TNIP2: variants seen among roughly 807,000 people sequenced by gnomAD.
TNIP2 encodes TNFAIP3 interacting protein 2.
Under a neutral mutation model 43.7 loss-of-function variants are expected in TNIP2, and 30 were observed. The ratio of observed to expected loss-of-function variants is 0.69; its 90% CI spans 0.51 to 0.93. The LOEUF (loss-of-function observed/expected upper bound fraction) is 0.93, where lower values mean the gene tolerates loss of function less well. Among genes scored for constraint, TNIP2 ranks in the 40% least tolerant of loss-of-function variants. TNIP2 has a pLI of 0.00. For synonymous variants in TNIP2, 260 were observed against 254.6 expected, an observed-to-expected ratio of 1.02 and a Z score of -0.20; for missense variants, 599 against 591.0, an observed-to-expected ratio of 1.01 and a Z score of -0.14.
At chr4:2,746,318 C>G (rs530642883) in intron 2 of TNIP2, among the ~76,000 whole-genome samples, 7 of 152,354 alleles carry the variant, frequency 4.6e-5, no homozygotes. Context: ...CCGGGTGACT[C>G]AGCTGAGTTC....
intron 1 of TNIP2, among the ~76,000 whole-genome samples, chr4:2,752,624 ACT>A (rs1224499738): frequency 6.6e-6 from 1 of 151,980 alleles, no homozygotes; most frequent in Non-Finnish European, 1.5e-5. Context: ...TGTGTCTTTA[ACT>A]CTGCACTGCC....
chr4:2,754,857 C>T (rs915453745), intron 1 of TNIP2, among the ~76,000 whole-genome samples: 2 of 152,234 alleles, frequency 1.3e-5, no homozygotes, highest in African/African-American at 4.8e-5. Flanking sequence ...TCCCTAGTGG[C>T]TGGGAGCACG....
chr4:2,744,692 G>C lies in TNIP2; in HGVS notation c.906+5C>G, dbSNP rs763153934. The C allele has an allele frequency of 6.3e-7, 1 of 1,599,918 alleles. No homozygotes were observed. Among genetic ancestry groups the C allele is most frequent in the Non-Finnish European group, 8.5e-7 (1 of 1,178,014 alleles). On this transcript the variant is annotated splice_donor_5th_base_variant and intron_variant, in intron 4 of 5. Transcript: ENST00000315423. This position sits in a 1 kb window ranked among gnomAD's most constrained non-coding sequence, Gnocchi z 5.1. ...AGTGCCGTCCGGAGCCCGAGGGACA[G>C]ACACCTGCTGTTCCAGCATCTGCAC...
chr4:2,751,527 T>G (rs150946251), intron 1 of TNIP2, among the ~76,000 whole-genome samples: 1 of 152,122 alleles, frequency 6.6e-6, no homozygotes, highest in Non-Finnish European at 1.5e-5. Context: ...TCCCAGCACT[T>G]TGGGAGGCCG....
chr4:2,750,709 T>C (rs1469091444), intron 1 of TNIP2, among the ~76,000 whole-genome samples: 8 of 150,844 alleles, frequency 5.3e-5, no homozygotes, highest in Admixed American at 4.6e-4. Context: ...AGACAGGGTG[T>C]GGCTATGTTG....
rs1224404735 is a variant in TNIP2 at position 2,747,844 on chromosome 4, T to C, written c.378A>G (p.Leu126=). 4 of 1,613,674 alleles carry C rather than the reference T, an allele frequency of 2.5e-6. No individual in the cohort carries two copies. In the African/African-American group the frequency reaches 5.3e-5, roughly 22 times the overall value. The change falls in exon 2 of 6, where the codon CTA becomes CTG. Residue 126 remains leucine, a synonymous_variant. Coordinates refer to ENST00000315423, the MANE Select transcript of TNIP2 (RefSeq NM_024309.4). ...GCTCCCCTTCTGCCATGCTCCTCCG[T>C]AGCAGGACGACTTCCTTCTCTCGCT... is the stretch of plus-strand genomic sequence containing the variant. ...QHEREKEVVL[L]RRSMAEGERA... is the part of the protein sequence containing the mutation.
In TNIP2 at chr4:2,742,138, C is replaced by G; in HGVS notation, c.*119G>C. On this transcript the variant is annotated 3_prime_UTR_variant, in exon 6 of 6. Coordinates refer to ENST00000315423, the MANE Select transcript of TNIP2 (RefSeq NM_024309.4). ...AGTGAACGATCAGAGTGCCCCGCAA[C>G]TATTCTAGGGGCCTTGGCTCTCAGT... 9.6e-7 allele frequency: 1 copy of G among 1,043,660 alleles called. No homozygotes were observed. Among genetic ancestry groups the G allele is most frequent in the Non-Finnish European group, 1.3e-6 (1 of 788,244 alleles). The allele number at this position is 1,043,660 out of a possible 1,614,324, so 64.6% of individuals were successfully genotyped here.
Position 2,744,197 on chromosome 4 carries a change from A to G in TNIP2, c.1026+190T>C, listed in dbSNP as rs528790132. Among the ~76,000 whole-genome samples the G allele has an allele frequency of 1.1e-4, 17 of 152,266 alleles. No homozygotes were observed. The South Asian group carries it at 1.7e-3, about 15-fold the overall frequency. ...GCCTCCTCCATAACTAAACAGTATA[A>G]CAGGGAGGCTTTCCATGACCACGCC... On this transcript the variant is annotated intron_variant, in intron 5 of 5. Transcript: ENST00000315423. The surrounding 1 kb of genome is among the most constrained non-coding windows in gnomAD (Gnocchi z 5.1).
intron 5 of TNIP2, among the ~76,000 whole-genome samples, 183 bp from the exon 6 acceptor site, chr4:2,742,703 C>T (rs1366737642): frequency 1.3e-5 from 2 of 152,172 alleles, no homozygotes; most frequent in African/African-American, 4.8e-5. Context: ...GAGGATCACA[C>T]ACACGCTCCG....
Position 2,742,449 on chromosome 4 carries a change from T to C in TNIP2, c.1098A>G (p.Ala366=), listed in dbSNP as rs963024742. 6.2e-7 allele frequency: 1 copy of C among 1,611,646 alleles called. No individual in the cohort carries two copies. Among genetic ancestry groups the C allele is most frequent in the Non-Finnish European group, 8.5e-7 (1 of 1,178,636 alleles). ...AGCCACCAGGCACCATAAGCTCTAA[T>C]GCGTCGGCGGCCAAATACTTGGCAG... The part of the protein sequence containing the change: ...SKTAKYLAAD[A]LELMVPGGWR... The change falls in exon 6 of 6, where the codon GCA becomes GCG. Residue 366 remains alanine (A), a synonymous_variant. Coordinates refer to ENST00000315423, the MANE Select transcript of TNIP2 (RefSeq NM_024309.4).
At chr4:2,750,170 C>A (rs1722064213) in intron 1 of TNIP2, among the ~76,000 whole-genome samples, 1 of 152,092 alleles carries the variant, frequency 6.6e-6, no homozygotes, top group Non-Finnish European at 1.5e-5. Flanking sequence ...CCAAAATAAA[C>A]AGTACATTAC....
At position 2,744,413 on chromosome 4, in the gene TNIP2, A is replaced by C; in HGVS notation, c.1000T>G (p.Leu334Val). The change falls in exon 5 of 6, where the codon TTG becomes GTG. Residue 334 changes from leucine (L) to valine (V), a missense_variant. Coordinates refer to ENST00000315423, the MANE Select transcript of TNIP2 (RefSeq NM_024309.4). The surrounding 1 kb of genome is among the most constrained non-coding windows in gnomAD (Gnocchi z 5.1). ...IQELEEKVAS[L>V]LHQVSWRQDS... The stretch of plus-strand genomic sequence containing the variant: ...TGTCTCCAGGACACCTGGTGCAGCA[A>C]AGAGGCGACCTTTTCCTCCAGTTCT... 6.2e-7 allele frequency: 1 copy of C among 1,614,230 alleles called. No homozygotes were observed. The highest frequency in any genetic ancestry group is 8.5e-7 in the Non-Finnish European group (1 of 1,180,028).
intron 1 of TNIP2, among the ~76,000 whole-genome samples, chr4:2,748,677 A>G (rs1189134209): frequency 7.4e-6 from 1 of 134,318 alleles, no homozygotes; most frequent in Non-Finnish European, 1.6e-5. Flanking sequence ...TATTTTTAGT[A>G]GAGACGGGGT....
chr4:2,755,296 A>G (rs1310273826), intron 1 of TNIP2, among the ~76,000 whole-genome samples: 3 of 151,698 alleles, frequency 2.0e-5, no homozygotes, highest in Non-Finnish European at 2.9e-5. Flanking sequence ...CACAGAATAC[A>G]CACAGCATAC....
In TNIP2 at chr4:2,747,649, G is replaced by A; in HGVS notation, c.567+6C>T. On this transcript the variant is annotated splice_donor_region_variant and intron_variant, in intron 2 of 5. Coordinates refer to ENST00000315423, the MANE Select transcript of TNIP2 (RefSeq NM_024309.4). ...TTCCCCACACTCTGCTTACACTGTG[G>A]CCTACCTGGTCAGGACTTCTCTCCC... The A allele has an allele frequency of 1.3e-6, 2 of 1,593,126 alleles. No homozygotes were observed. The highest frequency in any genetic ancestry group is 1.7e-6 in the Non-Finnish European group (2 of 1,175,690).
In TNIP2 at chr4:2,742,427, C is replaced by T. The variant is rs142737780; in HGVS notation, c.1120G>A (p.Gly374Ser). 9 of 1,612,936 alleles carry T rather than the reference C, an allele frequency of 5.6e-6. No individual in the cohort carries two copies. Among genetic ancestry groups the T allele is most frequent in the Non-Finnish European group, 6.8e-6 (8 of 1,179,434 alleles). ...ADALELMVPGGWRPGTGSQQP... is the reference protein window; with the variant it reads ...ADALELMVPGSWRPGTGSQQP... ...TGGGACCCAGTCCCAGGCCTCCAGC[C>T]ACCAGGCACCATAAGCTCTAATGCG... Residue 374 changes from glycine to serine, a missense_variant, in exon 6 of 6, where the codon GGC becomes AGC. Transcript: ENST00000315423.
At chr4:2,748,898 G>A (rs1722030863) in intron 1 of TNIP2, among the ~76,000 whole-genome samples, 1 of 150,586 alleles carries the variant, frequency 6.6e-6, no homozygotes, top group African/African-American at 2.4e-5. Context: ...AGGCCCAAGC[G>A]ATTCTCCATC....
chr4:2,751,933 G>A (rs367885932), intron 1 of TNIP2, among the ~76,000 whole-genome samples: 15 of 151,206 alleles, frequency 9.9e-5, no homozygotes, highest in East Asian at 3.9e-4. Context: ...GTGAAACCCC[G>A]CCTCTACTAA....
chr4:2,746,666 G>A (rs148554183), intron 2 of TNIP2, among the ~76,000 whole-genome samples: 4 of 152,350 alleles, frequency 2.6e-5, no homozygotes, highest in Non-Finnish European at 5.9e-5. Flanking sequence ...ATCCCAGCGC[G>A]TGTGTTTCTG....
Sources: allele counts gnomAD v4.1 joint callset (sites outside exome capture counted in the v4.1 genomes callset), GRCh38; gene constraint gnomAD v4.1.1; non-coding constraint Gnocchi (gnomAD v3.1); transcripts MANE v1.5; gene names NCBI Gene and HGNC (gene_info 2026-07-23, HGNC 2026-07-21).